METTL15: variants seen among roughly 807,000 people sequenced by gnomAD.
The protein encoded by METTL15 is 12S rRNA N(4)-cytidine methyltransferase METTL15.
Under a neutral mutation model 38.3 loss-of-function variants are expected in METTL15, and 34 were observed. The observed-to-expected ratio is 0.89, with a 90% confidence interval of 0.68 to 1.18. The LOEUF (loss-of-function observed/expected upper bound fraction) is 1.18. METTL15 is among the 50% of genes most tolerant of loss of function. The probability of loss-of-function intolerance (pLI) is 0.00; values close to 1 mark genes in which losing one functional copy is unlikely to be tolerated. For synonymous variants in METTL15, 162 were observed against 170.9 expected (o/e 0.95, Z 0.41); for missense variants, 438 against 498.4 (o/e 0.88, Z 1.15).
intron 4 of METTL15, among the ~76,000 whole-genome samples, chr11:28,237,681 T>C (rs1177304844): frequency 2.0e-5 from 3 of 152,174 alleles, no homozygotes; most frequent in Non-Finnish European, 4.4e-5. Flanking sequence ...AGGCGCTCTG[T>C]TTTTTAGAGT....
chr11:28,185,814 A>G (rs1851472880), intron 3 of METTL15, among the ~76,000 whole-genome samples: 1 of 150,674 alleles, frequency 6.6e-6, no homozygotes, highest in Non-Finnish European at 1.5e-5. Context: ...CCTTGAAGAT[A>G]TAACAGTTAA....
intron 4 of METTL15, among the ~76,000 whole-genome samples, chr11:28,281,898 G>A (rs910796554): frequency 6.6e-6 from 1 of 152,132 alleles, no homozygotes; most frequent in Non-Finnish European, 1.5e-5. Flanking sequence ...TCCAGAGTGG[G>A]GAAAGATTAC....
chr11:28,225,459 G>A (rs1853438023), intron 4 of METTL15, among the ~76,000 whole-genome samples: 2 of 151,748 alleles, frequency 1.3e-5, no homozygotes, highest in African/African-American at 4.8e-5. Flanking sequence ...TAACTTGATA[G>A]AGTATAGAAT....
At chr11:28,219,648 A>T (rs1048150611) in intron 4 of METTL15, among the ~76,000 whole-genome samples, 4 of 151,684 alleles carry the variant, frequency 2.6e-5, no homozygotes, top group Non-Finnish European at 5.9e-5. Context: ...TTTAATTGTG[A>T]TGTTAGGGTG....
At chr11:28,374,191 A>G (rs903953071) in intron 5 of METTL15, among the ~76,000 whole-genome samples, 3 of 152,016 alleles carry the variant, frequency 2.0e-5, no homozygotes, top group Non-Finnish European at 4.4e-5. Flanking sequence ...GTTTTTTCCA[A>G]TTCTGTGAAG....
At chr11:28,351,345 A>T (rs535863057) in intron 3 of METTL15, among the ~76,000 whole-genome samples, 3 of 152,148 alleles carry the variant, frequency 2.0e-5, no homozygotes, top group Non-Finnish European at 2.9e-5. Context: ...TCCTGAGCTC[A>T]GGCAATCCAG....
At chr11:28,169,410 A>G (rs1850772935) in intron 3 of METTL15, among the ~76,000 whole-genome samples, 1 of 151,250 alleles carries the variant, frequency 6.6e-6, no homozygotes, top group Non-Finnish European at 1.5e-5. Flanking sequence ...CTGCTTTCAT[A>G]TTTCTATAAT....
At chr11:28,342,248 TTTTTTATTTTTA>T (rs894496667) in intron 3 of METTL15, among the ~76,000 whole-genome samples, 39 of 151,966 alleles carry the variant, frequency 2.6e-4, no homozygotes, top group African/African-American at 8.7e-4. Flanking sequence ...TCGATTCTAT[TTTTTTATTTTTA>T]TTTTTATTTT....
intron 4 of METTL15, among the ~76,000 whole-genome samples, chr11:28,235,181 C>A (rs899837991): frequency 3.3e-5 from 5 of 151,926 alleles, no homozygotes; most frequent in African/African-American, 1.2e-4. Flanking sequence ...GTTTTGGTAC[C>A]AGTACCATGC....
intron 3 of METTL15, among the ~76,000 whole-genome samples, chr11:28,344,890 G>A (rs1849983503): frequency 6.6e-6 from 1 of 152,174 alleles, no homozygotes; most frequent in African/African-American, 2.4e-5. Context: ...AAAGTAAAAT[G>A]AAACGTGAAA....
chr11:28,254,748 A>G (rs1038916218), intron 4 of METTL15, among the ~76,000 whole-genome samples: 6 of 152,050 alleles, frequency 3.9e-5, no homozygotes, highest in Non-Finnish European at 8.8e-5. Flanking sequence ...TTTCCCCAGT[A>G]TATTTCTTGG....
intron 3 of METTL15, among the ~76,000 whole-genome samples, chr11:28,175,517 C>T (rs189498133): frequency 2.8e-4 from 42 of 152,232 alleles, no homozygotes; most frequent in African/African-American, 8.7e-4. Context: ...CCTGAGGAAT[C>T]GCCACACTGA....
chr11:28,405,570 G>A (rs1268808597), intron 5 of METTL15, among the ~76,000 whole-genome samples: 1 of 152,078 alleles, frequency 6.6e-6, no homozygotes, highest in Non-Finnish European at 1.5e-5. Flanking sequence ...TTCTCCTTTT[G>A]GTGTGTTCAA....
chr11:28,236,416 G>A (rs550375147), intron 4 of METTL15, among the ~76,000 whole-genome samples: 19 of 152,138 alleles, frequency 1.2e-4, no homozygotes, highest in African/African-American at 3.4e-4. Flanking sequence ...GGTAGAATTC[G>A]GCTATGAATC....
intron 3 of METTL15, among the ~76,000 whole-genome samples, chr11:28,207,218 A>C (rs926084580): frequency 9.0e-4 from 137 of 151,756 alleles, no homozygotes; most frequent in African/African-American, 2.9e-3. Context: ...CAGTTTTTGC[A>C]CATTCAGTAT....
At chr11:28,110,886 C>G (rs947668769) in intron 2 of METTL15, among the ~76,000 whole-genome samples, 5 of 152,136 alleles carry the variant, frequency 3.3e-5, no homozygotes, top group African/African-American at 1.2e-4. Context: ...AATGACTTAA[C>G]TAGGAGATCA....
chr11:28,154,939 G>C (rs1426620793), intron 3 of METTL15, among the ~76,000 whole-genome samples: 6 of 152,064 alleles, frequency 3.9e-5, no homozygotes, highest in African/African-American at 1.4e-4. Context: ...AGACAAAACT[G>C]GGCAAGTTTT....
intron 3 of METTL15, among the ~76,000 whole-genome samples, chr11:28,338,827 A>T (rs1285138969): frequency 6.6e-6 from 1 of 152,172 alleles, no homozygotes. Flanking sequence ...CGGGTTAACC[A>T]TCCCACTTAC....
intron 4 of METTL15, among the ~76,000 whole-genome samples, chr11:28,284,204 T>A (rs1467958780): frequency 6.6e-6 from 1 of 152,150 alleles, no homozygotes; most frequent in Non-Finnish European, 1.5e-5. Flanking sequence ...GGTGCATCAT[T>A]TTTTTATATA....
Sources: allele counts gnomAD v4.1 joint callset (sites outside exome capture counted in the v4.1 genomes callset), GRCh38; gene constraint gnomAD v4.1.1; transcripts MANE v1.5; gene names NCBI Gene and HGNC (gene_info 2026-07-23, HGNC 2026-07-21).